Variants in AOPEP observed in about 807,000 individuals in gnomAD.
The protein encoded by AOPEP is aminopeptidase O (putative).
Under a neutral mutation model 98.1 loss-of-function variants are expected in AOPEP, and 77 were observed. The observed-to-expected ratio is 0.78, with a 90% CI of 0.65 to 0.95. AOPEP has a LOEUF of 0.95. Ranked by LOEUF, AOPEP falls within the 40% of genes least tolerant of loss-of-function variation. AOPEP has a pLI of 0.00. For synonymous variants in AOPEP, 346 were observed against 365.3 expected (o/e 0.95, Z 0.60); for missense variants, 1,024 against 1,024.7 (o/e 1.00, Z 0.01).
chr9:94,935,227 T>G (rs889095848), intron 7 of AOPEP: 3 of 152,338 alleles, frequency 2.0e-5, no homozygotes, highest in Non-Finnish European at 1.5e-5. Context: ...CCATGTAAGA[T>G]GTCCTGCTTC....
intron 1 of AOPEP, 83 bp from the exon 2 acceptor site, chr9:94,759,566 G>A (rs1337402577): frequency 5.6e-6 from 3 of 531,176 alleles, no homozygotes; most frequent in Non-Finnish European, 9.9e-6. Context: ...TAAGGATGGT[G>A]GTCAACTTGC....
downstream of AOPEP, among the ~76,000 whole-genome samples, chr9:95,090,470 T>TGGGCCC (rs1234627032): frequency 3.9e-5 from 6 of 152,108 alleles, no homozygotes; most frequent in East Asian, 1.9e-4. Flanking sequence ...AACCTGTGGC[T>TGGGCCC]GGGCCCGGGC....
intron 13 of AOPEP, 85 bp downstream of exon 13, chr9:95,005,701 G>A (rs1305830132): frequency 9.4e-7 from 1 of 1,066,956 alleles, no homozygotes; most frequent in Non-Finnish European, 1.4e-6. Context: ...CAATAGAGTA[G>A]TGTTTAATTT....
chr9:95,044,399 G>C (rs923150146), intron 13 of AOPEP, among the ~76,000 whole-genome samples: 1 of 151,870 alleles, frequency 6.6e-6, no homozygotes, highest in East Asian at 1.9e-4. Context: ...GGGAGTGAGG[G>C]GGGATTAAAA....
intron 13 of AOPEP, among the ~76,000 whole-genome samples, chr9:95,031,709 G>A (rs1587697358): frequency 6.6e-6 from 1 of 152,138 alleles, no homozygotes; most frequent in African/African-American, 2.4e-5. Context: ...CCGATTCTCC[G>A]GGTAGGGGGG....
At chr9:94,867,468 C>T (rs985756517) in intron 5 of AOPEP, among the ~76,000 whole-genome samples, 2 of 152,180 alleles carry the variant, frequency 1.3e-5, no homozygotes, top group Admixed American at 6.5e-5. Context: ...CTGTTCCACA[C>T]GATTCACAGA....
intron 11 of AOPEP, among the ~76,000 whole-genome samples, chr9:94,981,172 G>T (rs1192125922): frequency 1.3e-5 from 2 of 152,182 alleles, no homozygotes; most frequent in Non-Finnish European, 2.9e-5. Flanking sequence ...ACTGCCGGGG[G>T]CTCTGTAATT....
At chr9:94,936,104 A>G (rs1345889602) in intron 7 of AOPEP, among the ~76,000 whole-genome samples, 1 of 152,140 alleles carries the variant, frequency 6.6e-6, no homozygotes, top group East Asian at 1.9e-4. Context: ...GTAGCAGTCC[A>G]ACAGCCCCAA....
rs58616523 is a variant in AOPEP at position 95,036,702 on chromosome 9, C to CTTTTT, written c.2116-23986_2116-23982dup. Reference sequence around the variant, plus strand: ...TTTCTTGTTCTTCTTTCTTCTTCTTCTTTTTTTTTTGTGGGGAATAAAACT... The same window carrying CTTTTT: ...TTTCTTGTTCTTCTTTCTTCTTCTTCTTTTTTTTTTTTTTTGTGGGGAATAAAACT... On this transcript the variant is annotated intron_variant, in intron 13 of 16. Transcript: ENST00000375315. 6.0e-4 allele frequency among the ~76,000 whole-genome samples: 82 copies of CTTTTT among 135,656 alleles called. 3 individuals carry two copies. The highest frequency in any genetic ancestry group is 7.2e-4 in the Non-Finnish European group (46 of 64,110). The allele number at this position is 135,656 out of a possible 152,430, so 89.0% of individuals were successfully genotyped here.
At chr9:94,959,953 A>C (rs975128301) in intron 9 of AOPEP, among the ~76,000 whole-genome samples, 2 of 152,210 alleles carry the variant, frequency 1.3e-5, no homozygotes, top group Middle Eastern at 3.2e-3. Context: ...ACTAAAGTGG[A>C]GATAACTTCC....
Position 94,980,267 on chromosome 9 carries a change from G to A in AOPEP, c.1977+840G>A, listed in dbSNP as rs1229510394. Among the ~76,000 whole-genome samples, 1 of 152,248 alleles carries A rather than the reference G, an allele frequency of 6.6e-6. No individual in the cohort carries two copies. The stretch of plus-strand genomic sequence containing the variant: ...TGGGATCCCAGATGCGCGGTCAGAG[G>A]ACCCTGCAGGCTGGGAGCTCTCTCA... On this transcript the variant is annotated intron_variant, in intron 11 of 16. Transcript: ENST00000375315. This position sits in a 1 kb window ranked among gnomAD's most constrained non-coding sequence, Gnocchi z 4.3.
chr9:94,847,366 G>T (rs896351404), intron 5 of AOPEP, among the ~76,000 whole-genome samples: 1 of 152,168 alleles, frequency 6.6e-6, no homozygotes, highest in South Asian at 2.1e-4. Flanking sequence ...AGCCCTGGTG[G>T]CTAGTAATTA....
At chr9:94,886,753 T>C (rs2048287669) in intron 5 of AOPEP, among the ~76,000 whole-genome samples, 1 of 152,194 alleles carries the variant, frequency 6.6e-6, no homozygotes, top group Non-Finnish European at 1.5e-5. Context: ...TAAATTAAGC[T>C]CATAAGTCTA....
intron 9 of AOPEP, among the ~76,000 whole-genome samples, chr9:94,967,114 TA>T (rs2059250223): frequency 6.6e-6 from 1 of 152,098 alleles, no homozygotes; most frequent in Admixed American, 6.5e-5. Flanking sequence ...TTTTCCATAG[TA>T]AAGGAAAATA....
chr9:94,729,757 T>C (rs1243703237), intron 1 of AOPEP, among the ~76,000 whole-genome samples: 1 of 152,108 alleles, frequency 6.6e-6, no homozygotes. Flanking sequence ...CAAAAATGTC[T>C]CAAGACGTTG....
intron 9 of AOPEP, among the ~76,000 whole-genome samples, chr9:94,966,588 T>A (rs2059214868): frequency 6.6e-6 from 1 of 152,266 alleles, no homozygotes; most frequent in Non-Finnish European, 1.5e-5. Flanking sequence ...TTAAATATTG[T>A]TCTTGTTTGT....
chr9:95,088,158 T>G (rs1213860052), downstream of AOPEP, among the ~76,000 whole-genome samples: 1 of 152,018 alleles, frequency 6.6e-6, no homozygotes, highest in Middle Eastern at 3.2e-3. Context: ...CGGCTTCCTG[T>G]GGAGATTTAG....
At position 95,072,312 on chromosome 9, in the gene AOPEP, C is replaced by T. The variant is rs551033222; in HGVS notation, c.2233-8382C>T. Among the ~76,000 whole-genome samples the T allele has an allele frequency of 3.9e-5, 6 of 152,358 alleles. No homozygotes were observed. In the South Asian group the frequency reaches 1.2e-3, roughly 32 times the overall value. On this transcript the variant is annotated intron_variant, in intron 14 of 16. Transcript: ENST00000375315. ...GCTCTTGAAGGAAAAAATTTGCCAG[C>T]CTCTCTTCTGGAGTTTACCAGGAAT...
intron 1 of AOPEP, among the ~76,000 whole-genome samples, chr9:94,755,850 T>C (rs1836903362): frequency 6.6e-6 from 1 of 152,196 alleles, no homozygotes; most frequent in Non-Finnish European, 1.5e-5. Flanking sequence ...ACTGTCTTCA[T>C]TTGTAAAATT....
Sources: allele counts gnomAD v4.1 joint callset (sites outside exome capture counted in the v4.1 genomes callset), GRCh38; gene constraint gnomAD v4.1.1; non-coding constraint Gnocchi (gnomAD v3.1); transcripts MANE v1.5; gene names NCBI Gene and HGNC (gene_info 2026-07-23, HGNC 2026-07-21).